SNX2: variants seen among roughly 807,000 people sequenced by gnomAD.
SNX2 encodes the protein sorting nexin-2.
SNX2 carries 25 observed loss-of-function variants against 69.9 expected under a neutral mutation model. That is an observed-to-expected ratio of 0.36 (90% CI 0.26 to 0.50). The LOEUF (loss-of-function observed/expected upper bound fraction) is 0.50, where lower values mean the gene tolerates loss of function less well. SNX2 is among the 20% of genes least tolerant of loss of function. SNX2 has a pLI of 0.97. For synonymous variants in SNX2, 229 were observed against 200.4 expected (o/e 1.14, Z -1.20); for missense variants, 551 against 613.3 (o/e 0.90, Z 1.07).
chr5:122,829,468 G>C (rs534504998), intron 14 of SNX2, 130 bp from the exon 15 acceptor site: 6 of 633,792 alleles, frequency 9.5e-6, no homozygotes, highest in Non-Finnish European at 1.7e-5. Flanking sequence ...GCCTCCCAAA[G>C]TGCTGGAATT....
chr5:122,824,827 A>C (rs888332886), intron 11 of SNX2, among the ~76,000 whole-genome samples: 1 of 152,204 alleles, frequency 6.6e-6, no homozygotes, highest in African/African-American at 2.4e-5. Flanking sequence ...TGTTATTTAG[A>C]AGTAATCCAT....
At chr5:122,782,478 G>GTTCGCC (rs1283216026) in intron 1 of SNX2, among the ~76,000 whole-genome samples, 1 of 151,990 alleles carries the variant, frequency 6.6e-6, no homozygotes, top group Non-Finnish European at 1.5e-5. Flanking sequence ...ACCTCAGGCA[G>GTTCGCC]TTCGCCCTTC....
At chr5:122,817,065 A>C in intron 9 of SNX2, 37 bp downstream of exon 9, 7 of 1,404,114 alleles carry the variant, frequency 5.0e-6, no homozygotes, top group Non-Finnish European at 6.1e-6. Context: ...AATGAGATGA[A>C]TTAATGAGCC....
chr5:122,788,118 T>G (rs1363358330), intron 1 of SNX2, among the ~76,000 whole-genome samples: 2 of 152,226 alleles, frequency 1.3e-5, no homozygotes, highest in African/African-American at 4.8e-5. Flanking sequence ...CTGAAAACTT[T>G]ATTTCACCTT....
At chr5:122,780,576 CT>C (rs57210069) in intron 1 of SNX2, among the ~76,000 whole-genome samples, 19,388 of 116,772 alleles carry the variant, frequency 0.17, 1,591 homozygotes, top group East Asian at 0.38. Flanking sequence ...CTTTTCTTTT[CT>C]TTTTTTTTTT....
At position 122,834,470 on chromosome 5, in the gene SNX2, G is replaced by GA. The variant is rs1754365756; in HGVS notation, c.*4828dup. On this transcript the variant is annotated 3_prime_UTR_variant, in exon 15 of 15. Coordinates refer to ENST00000379516, the MANE Select transcript of SNX2 (RefSeq NM_003100.4). The stretch of plus-strand genomic sequence containing the variant: ...GGATAAACCGTTTTAAGAGAGTTGA[G>GA]AAAAAATAAAGTTCTATTTTAAATT... 1 of 152,030 alleles carries GA rather than the reference G, an allele frequency of 6.6e-6. No individual in the cohort carries two copies. Among genetic ancestry groups the GA allele is most frequent in the South Asian group, 2.1e-4 (1 of 4,830 alleles). The allele number at this position is 152,030 out of a possible 1,614,324, so 9.4% of individuals were successfully genotyped here. A position where few individuals can be genotyped will look rare whatever the true frequency, so the allele number is the denominator to read the frequency against.
At chr5:122,828,623 T>C (rs1222729080) in intron 14 of SNX2, among the ~76,000 whole-genome samples, 1 of 152,138 alleles carries the variant, frequency 6.6e-6, no homozygotes, top group Non-Finnish European at 1.5e-5. Context: ...GAAAAGGTCA[T>C]TGTAGTTGTA....
intron 6 of SNX2, among the ~76,000 whole-genome samples, chr5:122,806,938 C>T (rs1356470235): frequency 6.6e-6 from 1 of 152,092 alleles, no homozygotes; most frequent in East Asian, 1.9e-4. Context: ...TTACATAATC[C>T]ATTTTTAAAA....
intron 1 of SNX2, among the ~76,000 whole-genome samples, chr5:122,777,249 T>G (rs1752876293): frequency 6.6e-6 from 1 of 152,222 alleles, no homozygotes; most frequent in Non-Finnish European, 1.5e-5. Flanking sequence ...GTGTTCTAGA[T>G]CCGTGTTTTG....
chr5:122,827,821 G>GTTTT, intron 14 of SNX2, 175 bp downstream of exon 14: 3 of 448,272 alleles, frequency 6.7e-6, no homozygotes, highest in African/African-American at 4.3e-5. Context: ...TATCTCACGT[G>GTTTT]TTTTTTTTTT....
At chr5:122,794,217 A>G (rs75867950) in intron 1 of SNX2, among the ~76,000 whole-genome samples, 5,836 of 152,160 alleles carry the variant, frequency 0.038, 178 homozygotes, top group East Asian at 0.1. Flanking sequence ...AGGCTGAGGC[A>G]GGAGAATCAC....
intron 11 of SNX2, among the ~76,000 whole-genome samples, chr5:122,825,282 T>G (rs1754127513): frequency 6.6e-6 from 1 of 152,104 alleles, no homozygotes; most frequent in African/African-American, 2.4e-5. Context: ...AGAGGATTCT[T>G]AGTGGGTTCT....
At chr5:122,801,535 G>A (rs1319966676) in intron 3 of SNX2, among the ~76,000 whole-genome samples, 2 of 151,756 alleles carry the variant, frequency 1.3e-5, no homozygotes, top group Non-Finnish European at 2.9e-5. Flanking sequence ...AACCCAGGAG[G>A]TGGAGGTTGC....
chr5:122,808,154 C>A, intron 6 of SNX2, 123 bp from the exon 7 acceptor site: 1 of 541,928 alleles, frequency 1.8e-6, no homozygotes, highest in Non-Finnish European at 3.2e-6. Context: ...GATAAGATAC[C>A]AGTTACAAGT....
chr5:122,796,428 A>G (rs1028081191), intron 2 of SNX2, among the ~76,000 whole-genome samples: 2 of 152,000 alleles, frequency 1.3e-5, no homozygotes, highest in Non-Finnish European at 2.9e-5. Flanking sequence ...ATATTTTATT[A>G]TGTCACAAAA....
rs766125919 is a variant in SNX2, at chr5:122,802,144, A to G, written c.501+20A>G. 18 of 1,606,334 alleles carry G rather than the reference A, an allele frequency of 1.1e-5. No homozygotes were observed. The highest frequency in any genetic ancestry group is 1.4e-5 in the Non-Finnish European group (17 of 1,173,078). On this transcript the variant is annotated intron_variant, in intron 5 of 14. Transcript: ENST00000379516. ...ACAAAGGTGAGCTTTTTGTGCTTTT[A>G]AAAAAACTATCGAGCCCTCATTATG...
chr5:122,799,717 C>T lies in SNX2; in HGVS notation c.252C>T (p.Asp84=). The T allele has an allele frequency of 1.2e-6, 2 of 1,612,792 alleles. No homozygotes were observed. The highest frequency in any genetic ancestry group is 1.1e-5 in the South Asian group (1 of 90,924). Residue 84 remains aspartate, a synonymous_variant, in exon 3 of 15, where the codon GAC becomes GAT. Coordinates refer to ENST00000379516, the MANE Select transcript of SNX2 (RefSeq NM_003100.4). ...FAEATEEVSL[D]SPEREPILSS... is the part of the protein sequence containing the mutation. ...AAGCCACAGAAGAAGTTTCTTTGGA[C>T]AGCCCTGAAAGGGAACCTATCCTAT... is the stretch of plus-strand genomic sequence containing the variant.
At position 122,803,491 on chromosome 5, in the gene SNX2, G is replaced by T. The variant is rs1398549561; in HGVS notation, c.521G>T (p.Ser174Ile). 1 of 1,610,446 alleles carries T rather than the reference G, an allele frequency of 6.2e-7. No homozygotes were observed. Among genetic ancestry groups the T allele is most frequent in the Non-Finnish European group, 8.5e-7 (1 of 1,179,180 alleles). Residue 174 changes from serine to isoleucine, a missense_variant, in exon 6 of 15, where the codon AGT (serine) becomes ATT (isoleucine). By Grantham distance (142) the Ser-to-Ile change is moderately radical. Coordinates refer to ENST00000379516, the MANE Select transcript of SNX2 (RefSeq NM_003100.4). ...TTGTAGACATCTCTTTCCATGTTCA[G>T]TAAGAGTGAATTTTCAGTGAAAAGA... ...VTTKTSLSMF[S>I]KSEFSVKRRF...
chr5:122,822,325 T>C (rs559501230), intron 11 of SNX2, among the ~76,000 whole-genome samples: 13 of 152,138 alleles, frequency 8.5e-5, no homozygotes, highest in Non-Finnish European at 1.9e-4. Flanking sequence ...CCTCGTGATC[T>C]ACTCACCTCG....
Sources: gnomAD v4.1 joint callset for allele counts (sites outside exome capture counted in the v4.1 genomes callset) on GRCh38, gnomAD v4.1.1 for gene constraint, MANE v1.5 for transcripts, NCBI Gene and HGNC (gene_info 2026-07-23, HGNC 2026-07-21) for gene names.